The following UNC5A variants were observed in gnomAD, a reference collection of about 807,000 sequenced individuals.
UNC5A encodes the protein netrin receptor UNC5A.
UNC5A carries 20 observed loss-of-function variants against 87.4 expected under a neutral mutation model. That is an observed-to-expected ratio of 0.23 (90% CI 0.16 to 0.33). UNC5A has a LOEUF of 0.33. Ranked by LOEUF, UNC5A falls within the 10% of genes least tolerant of loss-of-function variation. The pLI, the probability that UNC5A is intolerant of heterozygous loss-of-function variation, is 1.00. For missense variants in UNC5A, 844 were observed against 1,133.4 expected (o/e 0.74, Z 3.67); for synonymous variants, 438 against 482.3 (o/e 0.91, Z 1.20).
chr5:176,810,711 G>A lies in UNC5A; in HGVS notation c.-40G>A, dbSNP rs1756427594. The A allele has an allele frequency of 1.1e-6, 1 of 925,218 alleles. No homozygotes were observed. Among genetic ancestry groups the A allele is most frequent in the Non-Finnish European group, 1.3e-6 (1 of 761,074 alleles). The allele number at this position is 925,218 out of a possible 1,614,324, so 57.3% of individuals were successfully genotyped here. On this transcript the variant is annotated 5_prime_UTR_variant, in exon 1 of 15. Coordinates refer to ENST00000329542, the MANE Select transcript of UNC5A (RefSeq NM_133369.3). The surrounding 1 kb of genome is among the most constrained non-coding windows in gnomAD (Gnocchi z 7.3). The stretch of plus-strand genomic sequence containing the variant: ...CGCTAAAGCCGCCCTCCCGCCCGCG[G>A]GGCCCCGCGCCCGGCCCGCCCGCCT...
At position 176,841,415 on chromosome 5, in the gene UNC5A, G is replaced by T. The variant is rs991467335; in HGVS notation, c.71-21209G>T. On this transcript the variant is annotated intron_variant, in intron 1 of 14. Coordinates refer to ENST00000329542, the MANE Select transcript of UNC5A (RefSeq NM_133369.3). This position sits in a 1 kb window ranked among gnomAD's most constrained non-coding sequence, Gnocchi z 4.1. ...AGAGCTGTGAGATGCAGCATAGCAG[G>T]GGACTTGGGGCACAGACTGTGGAAC... 6.6e-6 allele frequency among the ~76,000 whole-genome samples: 1 copy of T among 152,166 alleles called. No individual in the cohort carries two copies. The highest frequency in any genetic ancestry group is 2.1e-4 in the South Asian group (1 of 4,828).
At chr5:176,864,426 G>A (rs2149364834) in intron 2 of UNC5A, among the ~76,000 whole-genome samples, 1 of 152,360 alleles carries the variant, frequency 6.6e-6, no homozygotes, top group Middle Eastern at 3.4e-3. Flanking sequence ...CTGGAGGAGG[G>A]CAAGGCCCCT....
intron 8 of UNC5A, among the ~76,000 whole-genome samples, 192 bp from the exon 9 acceptor site, chr5:176,877,000 C>T (rs546473064): frequency 9.2e-5 from 14 of 152,324 alleles, no homozygotes; most frequent in African/African-American, 3.1e-4. Flanking sequence ...CTCAGTTGCT[C>T]ATGGGGTGCC....
rs537484687 is a variant in UNC5A, at chr5:176,879,707, C to T, written c.2364-14C>T. 1.9e-5 allele frequency: 30 copies of T among 1,610,980 alleles called. No homozygotes were observed. Among genetic ancestry groups the T allele is most frequent in the Non-Finnish European group, 2.5e-5 (29 of 1,178,992 alleles). On this transcript the variant is annotated splice_polypyrimidine_tract_variant and intron_variant, in intron 14 of 14. Transcript: ENST00000329542. ...GCCAGGCCAGGCTGCTGACGGCCCC[C>T]CTCCCCTCCACAGCCATCTCAGCTT...
chr5:176,867,023 T>C (rs983926556), intron 2 of UNC5A, among the ~76,000 whole-genome samples: 1 of 151,970 alleles, frequency 6.6e-6, no homozygotes, highest in Non-Finnish European at 1.5e-5. Context: ...TTAGAGAAAT[T>C]AAGAGGGAAA....
At chr5:176,849,819 C>T (rs993617282) in intron 1 of UNC5A, among the ~76,000 whole-genome samples, 1 of 152,220 alleles carries the variant, frequency 6.6e-6, no homozygotes, top group Non-Finnish European at 1.5e-5. Context: ...GTGCCCCAGC[C>T]CCCAGCAAGT....
chr5:176,870,601 G>C lies in UNC5A; in HGVS notation c.886+67G>C, dbSNP rs1312192579. The stretch of plus-strand genomic sequence containing the variant: ...ATTGGCCTTGCCCAGCCCTGGGGAG[G>C]TGGGGGCTGAGGGAGCTATTCTCCT... On this transcript the variant is annotated intron_variant, in intron 6 of 14. Coordinates refer to ENST00000329542, the MANE Select transcript of UNC5A (RefSeq NM_133369.3). 2.0e-6 allele frequency: 3 copies of C among 1,496,454 alleles called. No individual in the cohort carries two copies. In the African/African-American group the frequency reaches 4.2e-5, roughly 21 times the overall value. The allele number at this position is 1,496,454 out of a possible 1,614,324, so 92.7% of individuals were successfully genotyped here.
chr5:176,873,895 G>T, intron 6 of UNC5A, 73 bp from the exon 7 acceptor site: 1 of 1,522,436 alleles, frequency 6.6e-7, no homozygotes, highest in Non-Finnish European at 8.9e-7. Context: ...TCCTCCTGGG[G>T]TGCAGACCAC....
intron 1 of UNC5A, among the ~76,000 whole-genome samples, chr5:176,818,012 G>T (rs1157689267): frequency 6.6e-6 from 1 of 152,072 alleles, no homozygotes; most frequent in African/African-American, 2.4e-5. Context: ...CTGGCTGAGC[G>T]CTCGGCTGCC....
At chr5:176,834,428 G>A (rs1474545003) in intron 1 of UNC5A, among the ~76,000 whole-genome samples, 2 of 152,222 alleles carry the variant, frequency 1.3e-5, no homozygotes, top group Non-Finnish European at 2.9e-5. Context: ...CCAGGGCCCA[G>A]GAGGGGCCAT....
chr5:176,866,200 C>T lies in UNC5A; in HGVS notation c.293-1930C>T, dbSNP rs1356647976. 2.0e-5 allele frequency among the ~76,000 whole-genome samples: 3 copies of T among 152,140 alleles called. No homozygotes were observed. The highest frequency in any genetic ancestry group is 4.4e-5 in the Non-Finnish European group (3 of 68,020). ...TGTACCCAGACACTGCTCCCAGGAACCAGGCTGCCTGATGATCCACAAGAG... is the reference window on the plus strand; with the variant it reads ...TGTACCCAGACACTGCTCCCAGGAATCAGGCTGCCTGATGATCCACAAGAG... On this transcript the variant is annotated intron_variant, in intron 2 of 14. Coordinates refer to ENST00000329542, the MANE Select transcript of UNC5A (RefSeq NM_133369.3). This position sits in a 1 kb window ranked among gnomAD's most constrained non-coding sequence, Gnocchi z 5.0.
chr5:176,819,119 T>C (rs1756665992), intron 1 of UNC5A, among the ~76,000 whole-genome samples: 1 of 152,196 alleles, frequency 6.6e-6, no homozygotes, highest in South Asian at 2.1e-4. Flanking sequence ...GGCTCCCACC[T>C]GGCCACACCT....
At chr5:176,816,148 G>A (rs1288336602) in intron 1 of UNC5A, among the ~76,000 whole-genome samples, 1 of 152,244 alleles carries the variant, frequency 6.6e-6, no homozygotes, top group African/African-American at 2.4e-5. Flanking sequence ...GGAGCCTGGG[G>A]TGGACTCTGC....
intron 1 of UNC5A, among the ~76,000 whole-genome samples, chr5:176,816,177 C>T (rs1472154009): frequency 6.6e-6 from 1 of 152,226 alleles, no homozygotes; most frequent in Non-Finnish European, 1.5e-5. Context: ...GCAGGCTCCC[C>T]CAGGAACTGC....
chr5:176,874,486 G>A lies in UNC5A; in HGVS notation c.1298G>A (p.Arg433His), dbSNP rs1245276998. 10 of 1,611,662 alleles carry A rather than the reference G, an allele frequency of 6.2e-6. No individual in the cohort carries two copies. Among genetic ancestry groups the A allele is most frequent in the East Asian group, 4.5e-5 (2 of 44,840 alleles). ...VSRLSTQNYF[R>H]SLPRGTSNMT... Reference sequence around the variant, plus strand: ...CGCCTCTCCACCCAGAACTACTTCCGCTCCCTGCCCCGAGGCACCAGCAAC... The same window carrying A: ...CGCCTCTCCACCCAGAACTACTTCCACTCCCTGCCCCGAGGCACCAGCAAC... Residue 433 changes from arginine to histidine, a missense_variant, in exon 8 of 15, where the codon CGC becomes CAC. Arg to His is a conservative substitution (Grantham distance 29). Coordinates refer to ENST00000329542, the MANE Select transcript of UNC5A (RefSeq NM_133369.3). The surrounding 1 kb of genome is among the most constrained non-coding windows in gnomAD (Gnocchi z 7.6).
chr5:176,811,116 C>T (rs1275630640), intron 1 of UNC5A, among the ~76,000 whole-genome samples: 1 of 152,200 alleles, frequency 6.6e-6, no homozygotes, highest in Non-Finnish European at 1.5e-5. Flanking sequence ...GGGCCCGGAG[C>T]AGGGCTGGGG....
chr5:176,846,629 T>C (rs1219799646), intron 1 of UNC5A, among the ~76,000 whole-genome samples: 1 of 152,124 alleles, frequency 6.6e-6, no homozygotes, highest in Non-Finnish European at 1.5e-5. Flanking sequence ...GGCGGTAACC[T>C]TGGACTTACC....
chr5:176,879,171 TGGGAG>T, intron 13 of UNC5A, 134 bp from the exon 14 acceptor site: 1 of 1,057,054 alleles, frequency 9.5e-7, no homozygotes, highest in Non-Finnish European at 1.4e-6. Context: ...CCTTGGCACA[TGGGAG>T]GTGCCCAGGA....
At position 176,869,726 on chromosome 5, in the gene UNC5A, C is replaced by A; in HGVS notation, c.722-644C>A. The A allele has an allele frequency of 1.5e-6, 1 of 656,058 alleles. No individual in the cohort carries two copies. Among genetic ancestry groups the A allele is most frequent in the South Asian group, 1.6e-5 (1 of 62,612 alleles). The allele number at this position is 656,058 out of a possible 1,614,324, so 40.6% of individuals were successfully genotyped here. On this transcript the variant is annotated intron_variant, in intron 5 of 14. Coordinates refer to ENST00000329542, the MANE Select transcript of UNC5A (RefSeq NM_133369.3). The surrounding 1 kb of genome is among the most constrained non-coding windows in gnomAD (Gnocchi z 9.1). ...CCAACCCGGCGCCTCTCAACGGGGG[C>A]GCTTTCTGTGAGGGGCAGAATGTCC...
Sources: allele counts gnomAD v4.1 joint callset (sites outside exome capture counted in the v4.1 genomes callset), GRCh38; gene constraint gnomAD v4.1.1; non-coding constraint Gnocchi (gnomAD v3.1); transcripts MANE v1.5; gene names NCBI Gene and HGNC (gene_info 2026-07-23, HGNC 2026-07-21).